The following DNAH8 variants were observed in gnomAD, a reference collection of about 807,000 sequenced individuals.
DNAH8 encodes the protein axonemal beta dynein heavy chain 8.
DNAH8 carries 382 observed loss-of-function variants against 562.1 expected under a neutral mutation model. The ratio of observed to expected loss-of-function variants is 0.68; its 90% confidence interval spans 0.63 to 0.74. DNAH8 has a LOEUF of 0.74. Among genes scored for constraint, DNAH8 ranks in the 30% least tolerant of loss-of-function variants. The pLI, the probability that DNAH8 is intolerant of heterozygous loss-of-function variation, is 0.00. For missense variants in DNAH8, 5,203 were observed against 5,620.4 expected (o/e 0.93, Z 2.37); for synonymous variants, 1,881 against 1,919.4 (o/e 0.98, Z 0.52).
At chr6:38,845,007 C>G (rs1775166179) in intron 35 of DNAH8, among the ~76,000 whole-genome samples, 1 of 152,028 alleles carries the variant, frequency 6.6e-6, no homozygotes, top group Admixed American at 6.6e-5. Flanking sequence ...TATGAACACA[C>G]ATTGAGGCAT....
rs564058888 is a variant in DNAH8 at position 38,821,449 on chromosome 6, G to A, written c.3524-1389G>A. 2.9e-4 allele frequency among the ~76,000 whole-genome samples: 44 copies of A among 152,092 alleles called. No individual in the cohort carries two copies. The East Asian group carries it at 6.2e-3, about 21-fold the overall frequency. ...ATCAAAATCCCAGAAGACTTTTTTT[G>A]CGGAAGAAATTGATAAGATGATCCT... On this transcript the variant is annotated intron_variant, in intron 26 of 92. Transcript: ENST00000327475.
At chr6:39,013,339 T>C (rs1161905889) in intron 91 of DNAH8, among the ~76,000 whole-genome samples, 3 of 152,234 alleles carry the variant, frequency 2.0e-5, no homozygotes, top group Non-Finnish European at 4.4e-5. Flanking sequence ...CCATTTGTAA[T>C]AAAATTTTAG....
chr6:38,737,128 T>C lies in DNAH8; in HGVS notation c.824T>C (p.Leu275Ser). The C allele has an allele frequency of 6.3e-7, 1 of 1,587,252 alleles. No homozygotes were observed. The change falls in exon 6 of 93, where the codon TTG becomes TCG. Residue 275 changes from leucine to serine, a missense_variant. Coordinates refer to ENST00000327475, the MANE Select transcript of DNAH8 (RefSeq NM_001206927.2). ...CTCTTAAATGGAATTAGGGATATGT[T>C]GGCAAATATATTTCTACCAGCTGTT... ...KGLLNGIRDM[L>S]ANIFLPAVLA...
chr6:38,968,010 T>C (rs1460393378), intron 82 of DNAH8, among the ~76,000 whole-genome samples: 1 of 152,118 alleles, frequency 6.6e-6, no homozygotes, highest in Non-Finnish European at 1.5e-5. Context: ...GGTGAGTTGG[T>C]TCTCAACAAG....
intron 3 of DNAH8, among the ~76,000 whole-genome samples, chr6:38,726,825 G>C (rs79772697): frequency 0.015 from 2,233 of 150,390 alleles, 43 homozygotes; most frequent in South Asian, 0.11. Context: ...TTAGGAAATT[G>C]GGGGTATATG....
At position 38,734,501 on chromosome 6, in the gene DNAH8, C is replaced by T. The variant is rs774729790; in HGVS notation, c.638C>T (p.Thr213Ile). ...TGTGGTCGAACTATTGCTGGAGCAA[C>T]TAAAGGGGCAAAAATGATGAAATTG... ...IECGRTIAGA[T>I]KGAKMMKLYI... is the part of the protein sequence containing the mutation. The change falls in exon 5 of 93, where the codon ACT becomes ATT. Residue 213 changes from threonine (T) to isoleucine (I), a missense_variant. Around this residue, in one of 6 missense-constraint regions of DNAH8, gnomAD observed 556 missense variants for 496.9 expected, o/e 1.12. Transcript: ENST00000327475. 6.8e-6 allele frequency: 11 copies of T among 1,613,778 alleles called. No homozygotes were observed. The highest frequency in any genetic ancestry group is 3.3e-5 in the Admixed American group (2 of 59,944).
At chr6:39,023,484 C>T (rs1767063617) in intron 91 of DNAH8, among the ~76,000 whole-genome samples, 1 of 152,172 alleles carries the variant, frequency 6.6e-6, no homozygotes, top group Non-Finnish European at 1.5e-5. Flanking sequence ...CAGAGCGAGA[C>T]ACCGTCTAAA....
intron 84 of DNAH8, 85 bp downstream of exon 84, chr6:38,973,898 G>A: frequency 6.2e-6 from 7 of 1,132,476 alleles, no homozygotes; most frequent in Non-Finnish European, 8.8e-6. Flanking sequence ...AACACAACAG[G>A]GCTTTTTGGT....
At chr6:38,973,347 A>C (rs1352260723) in intron 83 of DNAH8, among the ~76,000 whole-genome samples, 1 of 152,140 alleles carries the variant, frequency 6.6e-6, no homozygotes, top group Non-Finnish European at 1.5e-5. Flanking sequence ...ACTGATTCCA[A>C]AATACCCGTT....
At chr6:38,729,651 A>G (rs1025201059) in intron 3 of DNAH8, among the ~76,000 whole-genome samples, 2 of 152,190 alleles carry the variant, frequency 1.3e-5, no homozygotes, top group South Asian at 2.1e-4. Context: ...TTTAACCCCT[A>G]TATGATTCTG....
intron 79 of DNAH8, among the ~76,000 whole-genome samples, chr6:38,940,620 A>G (rs955387471): frequency 2.0e-5 from 3 of 152,182 alleles, no homozygotes; most frequent in African/African-American, 7.2e-5. Flanking sequence ...CAGACTGTGC[A>G]CTGGCTCTTA....
chr6:39,009,548 G>A (rs1766044337), intron 89 of DNAH8, among the ~76,000 whole-genome samples: 1 of 152,102 alleles, frequency 6.6e-6, no homozygotes, highest in Non-Finnish European at 1.5e-5. Context: ...GATTAGAATG[G>A]GGTGGCATGG....
At position 38,732,523 on chromosome 6, in the gene DNAH8, T is replaced by C. The variant is rs577415643; in HGVS notation, c.611-1951T>C. Reference sequence around the variant, plus strand: ...GCAAGCAACAGAAATAGGTCTGGCTTATATGAGTGGAAAGCAGTGTTTCGG... The same window carrying C: ...GCAAGCAACAGAAATAGGTCTGGCTCATATGAGTGGAAAGCAGTGTTTCGG... On this transcript the variant is annotated intron_variant, in intron 4 of 92. Transcript: ENST00000327475. Among the ~76,000 whole-genome samples, 387 of 152,262 alleles carry C rather than the reference T, an allele frequency of 2.5e-3. 3 individuals are homozygous for C. Among genetic ancestry groups the C allele is most frequent in the African/African-American group, 9.1e-3 (376 of 41,542 alleles).
chr6:38,869,795 A>G (rs1165090660), intron 48 of DNAH8, among the ~76,000 whole-genome samples: 1 of 152,236 alleles, frequency 6.6e-6, no homozygotes, highest in Admixed American at 6.5e-5. Context: ...TTCATGTGAT[A>G]AAGTAATGAG....
rs368495811 is a variant in DNAH8, at chr6:39,010,462, A to G, written c.13371+1492A>G. ...AATAAAAAGACAATTTTAGGCTGGA[A>G]CAATAATTATACTCAAAATCAGGAC... is the stretch of plus-strand genomic sequence containing the variant. On this transcript the variant is annotated intron_variant, in intron 89 of 92. Transcript: ENST00000327475. Among the ~76,000 whole-genome samples, 5 of 152,182 alleles carry G rather than the reference A, an allele frequency of 3.3e-5. No individual in the cohort carries two copies. The East Asian group carries it at 9.6e-4, about 29-fold the overall frequency.
chr6:38,807,533 T>G, intron 23 of DNAH8, 77 bp from the exon 24 acceptor site: 1 of 603,068 alleles, frequency 1.7e-6, no homozygotes, highest in Non-Finnish European at 2.7e-6. Context: ...CCACATCTAA[T>G]ATTCTGTCAT....
At chr6:38,815,693 C>A in intron 26 of DNAH8, 36 bp downstream of exon 26, 1 of 1,547,378 alleles carries the variant, frequency 6.5e-7, no homozygotes, top group Non-Finnish European at 8.8e-7. Context: ...TCTTACTGAT[C>A]CTTTTTGGAT....
intron 10 of DNAH8, among the ~76,000 whole-genome samples, chr6:38,758,505 T>C (rs1467938391): frequency 6.6e-6 from 1 of 152,134 alleles, no homozygotes; most frequent in Non-Finnish European, 1.5e-5. Flanking sequence ...CTTTTCCTAA[T>C]TGAATGCCCT....
chr6:38,803,390 A>T, intron 22 of DNAH8, 79 bp downstream of exon 22: 1 of 1,089,872 alleles, frequency 9.2e-7, no homozygotes, highest in Non-Finnish European at 1.3e-6. Flanking sequence ...CTTAGCAGGT[A>T]CTGAATTCCA....
Sources: gnomAD v4.1 joint callset for allele counts (sites outside exome capture counted in the v4.1 genomes callset) on GRCh38, gnomAD v4.1.1 for gene constraint, gnomAD v4.1.1 regional missense constraint, MANE v1.5 for transcripts, NCBI Gene and HGNC (gene_info 2026-07-23, HGNC 2026-07-21) for gene names.